The following TECRL variants were observed in gnomAD, a reference collection of about 807,000 sequenced individuals.
The protein encoded by TECRL is trans-2,3-enoyl-CoA reductase like.
Under a neutral mutation model 52.8 loss-of-function variants are expected in TECRL, and 63 were observed. The ratio of observed to expected loss-of-function variants is 1.19; its 90% CI spans 0.97 to 1.47. The LOEUF (loss-of-function observed/expected upper bound fraction) is 1.47, where lower values mean the gene tolerates loss of function less well. Among genes scored for constraint, TECRL ranks in the 40% most tolerant of loss-of-function variants. The pLI is 0.00. For missense variants in TECRL, 482 were observed against 429.6 expected (o/e 1.12, Z -1.08); for synonymous variants, 164 against 141.9 (o/e 1.16, Z -1.10).
Position 64,309,761 on chromosome 4 carries a change from T to C in TECRL, c.657+65A>G, listed in dbSNP as rs190301096. 43 of 1,043,754 alleles carry C rather than the reference T, an allele frequency of 4.1e-5. 1 individual carries two copies. In the Admixed American group the frequency reaches 6.8e-4, roughly 16 times the overall value. 64.7% of individuals were successfully genotyped at this position (1,043,754 alleles called of 1,614,324 possible). On this transcript the variant is annotated intron_variant, in intron 6 of 11. Coordinates refer to ENST00000381210, the MANE Select transcript of TECRL (RefSeq NM_001010874.5). Reference sequence around the variant, plus strand: ...GTTTCGGAAGGAAACAATGATTAAATATTTTGCAAAGGATCCAACATATAA... The same window carrying C: ...GTTTCGGAAGGAAACAATGATTAAACATTTTGCAAAGGATCCAACATATAA...
intron 2 of TECRL, among the ~76,000 whole-genome samples, chr4:64,341,246 C>G (rs969690188): frequency 5.3e-5 from 8 of 152,142 alleles, no homozygotes; most frequent in African/African-American, 2.4e-5. Flanking sequence ...CTCATTCTTG[C>G]TGTTTGTGGG....
At chr4:64,305,893 C>T (rs1011335424) in intron 6 of TECRL, among the ~76,000 whole-genome samples, 11 of 152,140 alleles carry the variant, frequency 7.2e-5, no homozygotes, top group Admixed American at 1.3e-4. Context: ...TCTTACAACC[C>T]TCTTCATGTC....
At chr4:64,297,397 G>A (rs978623565) in intron 8 of TECRL, among the ~76,000 whole-genome samples, 1 of 150,886 alleles carries the variant, frequency 6.6e-6, no homozygotes, top group Non-Finnish European at 1.5e-5. Flanking sequence ...AGAGTACATA[G>A]GTCAAAAATA....
chr4:64,368,938 C>T (rs1721802268), intron 2 of TECRL, among the ~76,000 whole-genome samples: 1 of 152,172 alleles, frequency 6.6e-6, no homozygotes, highest in Non-Finnish European at 1.5e-5. Context: ...TGCATTCCAA[C>T]TGTCACAATA....
intron 1 of TECRL, among the ~76,000 whole-genome samples, chr4:64,401,742 A>G (rs1724375041): frequency 6.6e-6 from 1 of 152,154 alleles, no homozygotes; most frequent in South Asian, 2.1e-4. Flanking sequence ...CATAGTCACC[A>G]CTTCACTGCT....
chr4:64,324,127 A>T (rs1420400889), intron 3 of TECRL, among the ~76,000 whole-genome samples: 1 of 152,266 alleles, frequency 6.6e-6, no homozygotes, highest in Non-Finnish European at 1.5e-5. Context: ...TACTCATAAG[A>T]TAGAGGTAAA....
chr4:64,300,628 T>TATC (rs1723964387), intron 7 of TECRL, among the ~76,000 whole-genome samples: 3 of 150,962 alleles, frequency 2.0e-5, no homozygotes, highest in Non-Finnish European at 4.5e-5. Context: ...ATAATAAAAA[T>TATC]AGAATTATTT....
At chr4:64,380,168 A>T (rs1722685327) in intron 1 of TECRL, among the ~76,000 whole-genome samples, 1 of 151,976 alleles carries the variant, frequency 6.6e-6, no homozygotes, top group Non-Finnish European at 1.5e-5. Flanking sequence ...CCACTTTGTT[A>T]TATATCTGTT....
Position 64,280,136 on chromosome 4 carries a change from A to G in TECRL, c.1028T>C (p.Ile343Thr), listed in dbSNP as rs1405593687. The part of the protein sequence containing the change: ...MSLWAQKKHK[I>T]YLRKFNSYIH... ...ATATGAATTGAATTTTCTCAGATAAATCTTATGTTTCTTTTGTGCCCACAA... is the reference window on the plus strand; with the variant it reads ...ATATGAATTGAATTTTCTCAGATAAGTCTTATGTTTCTTTTGTGCCCACAA... Residue 343 changes from isoleucine to threonine, a missense_variant, in exon 12 of 12, where the codon ATT (isoleucine) becomes ACT (threonine). Coordinates refer to ENST00000381210, the MANE Select transcript of TECRL (RefSeq NM_001010874.5). 6.2e-7 allele frequency: 1 copy of G among 1,604,158 alleles called. No homozygotes were observed. The highest frequency in any genetic ancestry group is 2.3e-5 in the East Asian group (1 of 44,426).
intron 3 of TECRL, among the ~76,000 whole-genome samples, chr4:64,327,071 C>T (rs1322950149): frequency 6.6e-6 from 1 of 151,810 alleles, no homozygotes; most frequent in Non-Finnish European, 1.5e-5. Flanking sequence ...TTTTTTAGTT[C>T]TGCCATATAA....
At chr4:64,385,541 C>T (rs997521425) in intron 1 of TECRL, among the ~76,000 whole-genome samples, 5 of 152,098 alleles carry the variant, frequency 3.3e-5, no homozygotes, top group South Asian at 4.2e-4. Flanking sequence ...AAGAAACATC[C>T]GAGCTGCTAT....
intron 2 of TECRL, among the ~76,000 whole-genome samples, chr4:64,367,807 A>G (rs1348388182): frequency 1.3e-5 from 2 of 152,266 alleles, no homozygotes; most frequent in East Asian, 1.9e-4. Context: ...GTAAATTGGT[A>G]AAATATGATT....
At chr4:64,282,775 T>C (rs1003262672) in intron 9 of TECRL, among the ~76,000 whole-genome samples, 1 of 152,016 alleles carries the variant, frequency 6.6e-6, no homozygotes, top group South Asian at 2.1e-4. Flanking sequence ...CAGAAAAATA[T>C]ATGTATATAG....
At chr4:64,300,353 C>A (rs1001432465) in intron 7 of TECRL, among the ~76,000 whole-genome samples, 5 of 150,636 alleles carry the variant, frequency 3.3e-5, no homozygotes, top group Non-Finnish European at 6.0e-5. Flanking sequence ...CAAAATAACT[C>A]TCATTTTTAA....
chr4:64,400,871 T>A (rs1226013863), intron 1 of TECRL, among the ~76,000 whole-genome samples: 3 of 152,162 alleles, frequency 2.0e-5, no homozygotes, highest in African/African-American at 7.2e-5. Context: ...CAATTAAACA[T>A]CTTTTCTATA....
chr4:64,367,812 A>C (rs1397334444), intron 2 of TECRL, among the ~76,000 whole-genome samples: 1 of 152,174 alleles, frequency 6.6e-6, no homozygotes, highest in African/African-American at 2.4e-5. Flanking sequence ...TTGGTAAAAT[A>C]TGATTCACAA....
Position 64,300,003 on chromosome 4 carries a change from G to T in TECRL, c.745C>A (p.Gln249Lys), listed in dbSNP as rs760249578. 6.3e-7 allele frequency: 1 copy of T among 1,579,806 alleles called. No individual in the cohort carries two copies. Among genetic ancestry groups the T allele is most frequent in the Non-Finnish European group, 8.6e-7 (1 of 1,160,102 alleles). The stretch of plus-strand genomic sequence containing the variant: ...AAATTGATAGCAGATACTGTGATTT[G>T]CCTGTTTCCAAATGCTGGAGAGTAG... ...LYTPPSFGNR[Q>K]ITVSAINFLI... is the part of the protein sequence containing the mutation. Residue 249 changes from glutamine (Q) to lysine (K), a missense_variant, in exon 8 of 12, where the codon CAA (glutamine) becomes AAA (lysine). Physicochemically the swap from Gln to Lys is moderately conservative, Grantham distance 53. Transcript: ENST00000381210.
chr4:64,357,875 A>C (rs1311010056), intron 2 of TECRL, among the ~76,000 whole-genome samples: 1 of 151,838 alleles, frequency 6.6e-6, no homozygotes, highest in East Asian at 1.9e-4. Flanking sequence ...ATTAATTCAT[A>C]AGGACATTAT....
At chr4:64,354,277 G>T (rs1454409996) in intron 2 of TECRL, among the ~76,000 whole-genome samples, 2 of 152,108 alleles carry the variant, frequency 1.3e-5, no homozygotes, top group African/African-American at 4.8e-5. Flanking sequence ...ATCAAAGGAG[G>T]AAATATTCTA....
Sources: allele counts gnomAD v4.1 joint callset (sites outside exome capture counted in the v4.1 genomes callset), GRCh38; gene constraint gnomAD v4.1.1; transcripts MANE v1.5; gene names NCBI Gene and HGNC (gene_info 2026-07-23, HGNC 2026-07-21).